SECISBP2: variants seen among roughly 807,000 people sequenced by gnomAD.
The protein encoded by SECISBP2 is selenocysteine insertion sequence-binding protein 2.
A neutral mutation model predicts 98.2 loss-of-function variants in SECISBP2; 96 were observed. The observed-to-expected ratio is 0.98, with a 90% CI of 0.83 to 1.16. SECISBP2 has a LOEUF of 1.16. SECISBP2 is among the 50% of genes most tolerant of loss of function. The pLI, the probability that SECISBP2 is intolerant of heterozygous loss-of-function variation, is 0.00. For synonymous variants in SECISBP2, 407 were observed against 370.2 expected (o/e 1.10, Z -1.14); for missense variants, 1,046 against 1,022.9 (o/e 1.02, Z -0.31).
At chr9:89,343,577 A>AAGTGAGAACATG (rs1297015790) in intron 10 of SECISBP2, among the ~76,000 whole-genome samples, 1 of 152,138 alleles carries the variant, frequency 6.6e-6, no homozygotes, top group Non-Finnish European at 1.5e-5. Flanking sequence ...TCCCAATTAT[A>AAGTGAGAACATG]AGTGAGAACA....
chr9:89,358,480 A>G (rs1363380353), intron 16 of SECISBP2, among the ~76,000 whole-genome samples: 2 of 151,968 alleles, frequency 1.3e-5, no homozygotes, highest in African/African-American at 4.8e-5. Flanking sequence ...GTCCTCTCCT[A>G]GCCTACCTAC....
Position 89,347,604 on chromosome 9 carries a change from G to A in SECISBP2, c.1603-475G>A, listed in dbSNP as rs962010831. Among the ~76,000 whole-genome samples the A allele has an allele frequency of 4.6e-5, 7 of 150,662 alleles. No homozygotes were observed. In the East Asian group the frequency reaches 7.8e-4, roughly 17 times the overall value. On this transcript the variant is annotated intron_variant, in intron 11 of 16. Transcript: ENST00000375807. Reference sequence around the variant, plus strand: ...AGCAATTCTCCTGCCTCAGCCTCCCGAGTAGCTGGGATTACAGGCGTGTGC... The same window carrying A: ...AGCAATTCTCCTGCCTCAGCCTCCCAAGTAGCTGGGATTACAGGCGTGTGC...
chr9:89,365,680 A>C, the SECISBP2 span: 1 of 152,278 alleles, frequency 6.6e-6, no homozygotes, highest in Non-Finnish European at 1.5e-5. Context: ...AGTCCAAAGT[A>C]CCTGCACACA....
intron 2 of SECISBP2, 164 bp from the exon 3 acceptor site, chr9:89,325,263 A>G (rs1826493060): frequency 1.5e-6 from 1 of 662,456 alleles, no homozygotes; most frequent in Non-Finnish European, 2.5e-6. Flanking sequence ...AGGGTGAGAA[A>G]GAAACACCCA....
chr9:89,356,762 A>G (rs751557592), intron 14 of SECISBP2: 4 of 154,532 alleles, frequency 2.6e-5, no homozygotes, highest in Non-Finnish European at 4.3e-5. Context: ...CCTACCAACT[A>G]TAGTCTTGTG....
intron 10 of SECISBP2, among the ~76,000 whole-genome samples, chr9:89,346,020 T>C (rs1030330321): frequency 3.9e-5 from 6 of 152,190 alleles, no homozygotes; most frequent in Admixed American, 6.5e-5. Context: ...GACTGCCTGA[T>C]TGACAAAGCA....
intron 5 of SECISBP2, chr9:89,330,147 T>C (rs1827505326): frequency 6.6e-6 from 1 of 152,220 alleles, no homozygotes; most frequent in Non-Finnish European, 1.5e-5. Flanking sequence ...TGTAGTAATA[T>C]TTAAAACTGC....
chr9:89,350,773 G>T lies in SECISBP2; in HGVS notation c.2034G>T (p.Arg678Ser), dbSNP rs765990605. ...AACGTCGACTTGTGTTGGGGTTGAG[G>T]GAGGTTCTCAAACACCTGAAGCTCA... The part of the protein sequence containing the change: ...KTKRRLVLGL[R>S]EVLKHLKLKK... Residue 678 changes from arginine to serine, a missense_variant, in exon 14 of 17, where the codon AGG becomes AGT. Physicochemically the swap from Arg to Ser is moderately radical, Grantham distance 110. Transcript: ENST00000375807. 1 of 1,614,184 alleles carries T rather than the reference G, an allele frequency of 6.2e-7. No homozygotes were observed. The highest frequency in any genetic ancestry group is 1.1e-5 in the South Asian group (1 of 91,084).
chr9:89,349,871 T>C lies in SECISBP2; in HGVS notation c.1834T>C (p.Ser612Pro). The C allele has an allele frequency of 6.2e-7, 1 of 1,614,208 alleles. No homozygotes were observed. Among genetic ancestry groups the C allele is most frequent in the Non-Finnish European group, 8.5e-7 (1 of 1,180,034 alleles). Reference sequence around the variant, plus strand: ...AGAGCTCCAGAGGGACACAGAGGCCTCCCACCTTGCTCCCAATCACACCAC... The same window carrying C: ...AGAGCTCCAGAGGGACACAGAGGCCCCCCACCTTGCTCCCAATCACACCAC... ...GTELQRDTEA[S>P]HLAPNHTTFP... Residue 612 changes from serine to proline, a missense_variant, in exon 13 of 17, where the codon TCC becomes CCC. Physicochemically the swap from Ser to Pro is moderately conservative, Grantham distance 74. Coordinates refer to ENST00000375807, the MANE Select transcript of SECISBP2 (RefSeq NM_024077.5).
At chr9:89,340,881 T>C (rs1394031150) in intron 9 of SECISBP2, among the ~76,000 whole-genome samples, 1 of 152,260 alleles carries the variant, frequency 6.6e-6, no homozygotes, top group Non-Finnish European at 1.5e-5. Flanking sequence ...CTGCATTTAA[T>C]ATTATTTGCT....
chr9:89,323,865 G>C (rs979582640), intron 2 of SECISBP2: 14 of 152,128 alleles, frequency 9.2e-5, no homozygotes, highest in Non-Finnish European at 1.8e-4. Context: ...ACCAGTGAGG[G>C]GACAGAAACC....
At chr9:89,357,112 G>A (rs1169128073) in intron 14 of SECISBP2, 6 of 426,342 alleles carry the variant, frequency 1.4e-5, no homozygotes, top group Non-Finnish European at 2.6e-5. Context: ...CACAGCATCT[G>A]TCTGCCTTTT....
At chr9:89,353,878 T>G (rs570897853) in intron 14 of SECISBP2, among the ~76,000 whole-genome samples, 2 of 152,354 alleles carry the variant, frequency 1.3e-5, no homozygotes, top group African/African-American at 4.8e-5. Flanking sequence ...TGTGTAATCA[T>G]TGGTTCCGAC....
At chr9:89,355,406 T>C in intron 14 of SECISBP2, 3 of 985,084 alleles carry the variant, frequency 3.0e-6, no homozygotes, top group Non-Finnish European at 3.6e-6. Context: ...GGAGTTTTTA[T>C]TAGCAGTTTT....
rs1489260167 is a variant in SECISBP2 at position 89,348,226 on chromosome 9, T to C, written c.1738+12T>C. ...GGCAGAGCTGTCAGGTACCAACTTCTCTTTGTGCCTTAAGAATAATTTAAA... is the reference window on the plus strand; with the variant it reads ...GGCAGAGCTGTCAGGTACCAACTTCCCTTTGTGCCTTAAGAATAATTTAAA... On this transcript the variant is annotated intron_variant, in intron 12 of 16. Coordinates refer to ENST00000375807, the MANE Select transcript of SECISBP2 (RefSeq NM_024077.5). 6.2e-7 allele frequency: 1 copy of C among 1,613,872 alleles called. No individual in the cohort carries two copies. Among genetic ancestry groups the C allele is most frequent in the Admixed American group, 1.7e-5 (1 of 60,018 alleles).
At chr9:89,339,795 G>T in intron 8 of SECISBP2, 69 bp from the exon 9 acceptor site, 1 of 1,076,550 alleles carries the variant, frequency 9.3e-7, no homozygotes, top group Non-Finnish European at 1.4e-6. Flanking sequence ...GAAAATATAA[G>T]CAAGGAAAAG....
intron 9 of SECISBP2, among the ~76,000 whole-genome samples, chr9:89,340,398 C>G (rs909199958): frequency 6.6e-6 from 1 of 152,186 alleles, no homozygotes; most frequent in African/African-American, 2.4e-5. Context: ...TTCCCCTTCT[C>G]TACTCCACCA....
In SECISBP2 at chr9:89,358,922, G is replaced by C; in HGVS notation, c.*98G>C. On this transcript the variant is annotated 3_prime_UTR_variant, in exon 17 of 17. Coordinates refer to ENST00000375807, the MANE Select transcript of SECISBP2 (RefSeq NM_024077.5). ...TGTTTTTCATGACAATGTAATTTGT[G>C]TAACTGTTGAATCTGGAAATTGATC... 7.7e-6 allele frequency: 6 copies of C among 777,526 alleles called. No individual in the cohort carries two copies. Among genetic ancestry groups the C allele is most frequent in the Non-Finnish European group, 1.3e-5 (6 of 451,876 alleles). The allele number at this position is 777,526 out of a possible 1,614,324, so 48.2% of individuals were successfully genotyped here.
chr9:89,356,366 T>G (rs1432463389), intron 14 of SECISBP2, among the ~76,000 whole-genome samples: 2 of 152,242 alleles, frequency 1.3e-5, no homozygotes, highest in Non-Finnish European at 2.9e-5. Flanking sequence ...GACCGCTGTT[T>G]TAAAGTGTTA....
Sources: gnomAD v4.1 joint callset for allele counts (sites outside exome capture counted in the v4.1 genomes callset) on GRCh38, gnomAD v4.1.1 for gene constraint, MANE v1.5 for transcripts, NCBI Gene and HGNC (gene_info 2026-07-23, HGNC 2026-07-21) for gene names.